Variants in ADAP1 observed in about 807,000 individuals in gnomAD.
ADAP1 encodes ArfGAP with dual PH domains 1.
ADAP1 carries 31 observed loss-of-function variants against 54.9 expected under a neutral mutation model. That is an observed-to-expected ratio of 0.56 (90% CI 0.42 to 0.76). ADAP1 has a LOEUF of 0.76. Ranked by LOEUF, ADAP1 falls within the 30% of genes least tolerant of loss-of-function variation. The probability of loss-of-function intolerance (pLI) is 0.00; values close to 1 mark genes in which losing one functional copy is unlikely to be tolerated. For synonymous variants in ADAP1, 313 were observed against 202.6 expected (o/e 1.55, Z -4.63); for missense variants, 535 against 512.4 (o/e 1.04, Z -0.42).
chr7:927,358 A>C, intron 2 of ADAP1: 1 of 742,490 alleles, frequency 1.3e-6, no homozygotes, highest in East Asian at 6.7e-5. Flanking sequence ...GCCGCCAGCC[A>C]GGTATGGTGA....
chr7:947,691 C>G (rs1031186322), intron 1 of ADAP1, among the ~76,000 whole-genome samples: 3 of 152,152 alleles, frequency 2.0e-5, no homozygotes, highest in African/African-American at 7.2e-5. Flanking sequence ...GCCTAGCCAC[C>G]GCCACCCGGC....
rs759642843 is a variant in ADAP1, at chr7:899,187, C to T, written c.942G>A (p.Pro314=). 101 of 1,612,358 alleles carry T rather than the reference C, an allele frequency of 6.3e-5. No individual in the cohort carries two copies. Among genetic ancestry groups the T allele is most frequent in the South Asian group, 3.7e-4 (34 of 91,090 alleles). The change falls in exon 10 of 11, where the codon CCG becomes CCA. Residue 314 remains proline (P), a synonymous_variant. Coordinates refer to ENST00000265846, the MANE Select transcript of ADAP1 (RefSeq NM_006869.4). ...SGYTVLHGFP[P]STQGHHWPHG... is the part of the protein sequence containing the mutation. ...GTGGCCAGTGGTGGCCCTGGGTGGA[C>T]GGCGGGAACCCATGCAGCACCGTGT...
In ADAP1 at chr7:898,506, C is replaced by T. The variant is rs1439631899; in HGVS notation, c.*415G>A. The T allele has an allele frequency of 3.5e-6, 1 of 284,348 alleles. No individual in the cohort carries two copies. Among genetic ancestry groups the T allele is most frequent in the Non-Finnish European group, 6.9e-6 (1 of 145,398 alleles). 17.6% of individuals were successfully genotyped at this position (284,348 alleles called of 1,614,324 possible). A position where few individuals can be genotyped will look rare whatever the true frequency, so the allele number is the denominator to read the frequency against. The stretch of plus-strand genomic sequence containing the variant: ...GGGCGGGGCGGCATGCGAGCAGGGC[C>T]CAGTCCCCAGCGGCCGGCAGCTGCC... On this transcript the variant is annotated 3_prime_UTR_variant, in exon 11 of 11. Transcript: ENST00000265846.
Position 906,908 on chromosome 7 carries a change from G to A in ADAP1, c.389-1736C>T, listed in dbSNP as rs141793888. Among the ~76,000 whole-genome samples, 188 of 151,964 alleles carry A rather than the reference G, an allele frequency of 1.2e-3. 2 individuals carry two copies. The East Asian group carries it at 0.019, about 16-fold the overall frequency. On this transcript the variant is annotated intron_variant, in intron 4 of 10. Coordinates refer to ENST00000265846, the MANE Select transcript of ADAP1 (RefSeq NM_006869.4). ...CCCTGGCCCAAGCCAGCCTGAGGAC[G>A]GCCTGGATGAGCGGGACTCCAGCTG...
chr7:898,789 C>G lies in ADAP1; in HGVS notation c.*132G>C. The G allele has an allele frequency of 7.8e-7, 1 of 1,287,018 alleles. No individual in the cohort carries two copies. The highest frequency in any genetic ancestry group is 2.5e-5 in the East Asian group (1 of 39,440). 79.7% of individuals were successfully genotyped at this position (1,287,018 alleles called of 1,614,324 possible). A position where few individuals can be genotyped will look rare whatever the true frequency, so the allele number is the denominator to read the frequency against. ...CCTGGAAGCTGAAGCTCGGGCCCTA[C>G]CTGGCCGCGCCGGGCTGCCCTGAGG... On this transcript the variant is annotated 3_prime_UTR_variant, in exon 11 of 11. Coordinates refer to ENST00000265846, the MANE Select transcript of ADAP1 (RefSeq NM_006869.4).
chr7:899,985 A>G, intron 8 of ADAP1, 117 bp downstream of exon 8: 2 of 1,235,168 alleles, frequency 1.6e-6, no homozygotes, highest in South Asian at 2.6e-5. Context: ...GGCTGTGAGG[A>G]CCCACCAGAC....
At chr7:941,779 A>C (rs1846945680) in intron 1 of ADAP1, among the ~76,000 whole-genome samples, 1 of 152,246 alleles carries the variant, frequency 6.6e-6, no homozygotes, top group Non-Finnish European at 1.5e-5. Context: ...TTAAAAATAG[A>C]AATGAACAAG....
chr7:904,948 G>A, intron 5 of ADAP1, 112 bp downstream of exon 5: 6 of 907,454 alleles, frequency 6.6e-6, no homozygotes, highest in Admixed American at 5.9e-5. Context: ...CCCATCGGGG[G>A]GGGCAGCAGG....
At chr7:923,630 C>A (rs1365519935) in intron 3 of ADAP1, among the ~76,000 whole-genome samples, 1 of 152,068 alleles carries the variant, frequency 6.6e-6, no homozygotes, top group East Asian at 1.9e-4. Context: ...AAACTGAGGC[C>A]CTGGGCCTCT....
In ADAP1 at chr7:899,442, G is replaced by C; in HGVS notation, c.844C>G (p.Leu282Val). Residue 282 changes from leucine to valine, a missense_variant, in exon 9 of 11, where the codon CTC becomes GTC. Coordinates refer to ENST00000265846, the MANE Select transcript of ADAP1 (RefSeq NM_006869.4). Reference sequence around the variant, plus strand: ...ACCAGGGGGTCTTTGAAGTACATGAGCCTGCGGTCATCCATGGTGAACCAG... The same window carrying C: ...ACCAGGGGGTCTTTGAAGTACATGACCCTGCGGTCATCCATGGTGAACCAG... ...KRWFTMDDRR[L>V]MYFKDPLDAF... 1 of 1,613,208 alleles carries C rather than the reference G, an allele frequency of 6.2e-7. No individual in the cohort carries two copies. Among genetic ancestry groups the C allele is most frequent in the Non-Finnish European group, 8.5e-7 (1 of 1,179,920 alleles).
At chr7:910,092 G>T (rs1339565191) in intron 4 of ADAP1, among the ~76,000 whole-genome samples, 1 of 152,172 alleles carries the variant, frequency 6.6e-6, no homozygotes, top group Non-Finnish European at 1.5e-5. Context: ...CCCGACTGTG[G>T]GCGGGGACGC....
At position 904,115 on chromosome 7, in the gene ADAP1, C is replaced by A; in HGVS notation, c.648+11G>T. The A allele has an allele frequency of 6.2e-7, 1 of 1,611,844 alleles. No homozygotes were observed. Among genetic ancestry groups the A allele is most frequent in the East Asian group, 2.2e-5 (1 of 44,848 alleles). On this transcript the variant is annotated intron_variant, in intron 6 of 10. Coordinates refer to ENST00000265846, the MANE Select transcript of ADAP1 (RefSeq NM_006869.4). ...TGTGCCACCCGGGCCCGAGTGCTCGCCAGCACCCACCTTCCCGTCCTCATG... is the reference window on the plus strand; with the variant it reads ...TGTGCCACCCGGGCCCGAGTGCTCGACAGCACCCACCTTCCCGTCCTCATG...
rs372607586 is a variant in ADAP1 at position 946,723 on chromosome 7, G to T, written c.82+7673C>A. ...CTCTTCAGGGCCCTCGCACAGGGCC[G>T]ACTCCTCTGCGGCCCATCTGGTCTC... On this transcript the variant is annotated intron_variant, in intron 1 of 10. Transcript: ENST00000265846. The surrounding 1 kb of genome is among the most constrained non-coding windows in gnomAD (Gnocchi z 4.3). 6.6e-6 allele frequency among the ~76,000 whole-genome samples: 1 copy of T among 152,256 alleles called. No homozygotes were observed. Among genetic ancestry groups the T allele is most frequent in the Non-Finnish European group, 1.5e-5 (1 of 68,046 alleles).
At chr7:925,147 G>C (rs909814572) in intron 3 of ADAP1, among the ~76,000 whole-genome samples, 1 of 152,050 alleles carries the variant, frequency 6.6e-6, no homozygotes, top group African/African-American at 2.4e-5. Context: ...ACCTGGACGG[G>C]GGCCTCGTGA....
chr7:913,756 G>T (rs545779354), intron 4 of ADAP1, among the ~76,000 whole-genome samples: 91 of 152,124 alleles, frequency 6.0e-4, no homozygotes, highest in African/African-American at 2.0e-3. Context: ...CCAACATGAT[G>T]AAATCCTGTC....
intron 1 of ADAP1, among the ~76,000 whole-genome samples, chr7:936,333 G>A (rs187250462): frequency 6.6e-6 from 1 of 152,164 alleles, no homozygotes; most frequent in East Asian, 1.9e-4. Flanking sequence ...CCCGAGTAGC[G>A]AGGCACGCAC....
chr7:907,916 C>A (rs945316428), intron 4 of ADAP1, among the ~76,000 whole-genome samples: 1 of 151,468 alleles, frequency 6.6e-6, no homozygotes, highest in Non-Finnish European at 1.5e-5. Context: ...GAGGAGCCGT[C>A]TGCCGAGCAT....
chr7:900,042 G>C, intron 8 of ADAP1, 60 bp downstream of exon 8: 1 of 1,594,888 alleles, frequency 6.3e-7, no homozygotes, highest in African/African-American at 1.3e-5. Flanking sequence ...CTGCACTTCA[G>C]TCCGAGACCC....
intron 2 of ADAP1, among the ~76,000 whole-genome samples, chr7:928,219 C>G (rs551167378): frequency 6.6e-6 from 1 of 151,860 alleles, no homozygotes; most frequent in South Asian, 2.1e-4. Flanking sequence ...GACCATGTCT[C>G]CACTGGACAC....
Sources: gnomAD v4.1 joint callset for allele counts (sites outside exome capture counted in the v4.1 genomes callset) on GRCh38, gnomAD v4.1.1 for gene constraint, Gnocchi (gnomAD v3.1) non-coding constraint, MANE v1.5 for transcripts, NCBI Gene and HGNC (gene_info 2026-07-23, HGNC 2026-07-21) for gene names.